The following PCDHGA4 variants were observed in gnomAD, a reference collection of about 807,000 sequenced individuals.
PCDHGA4 encodes protocadherin gamma subfamily A, 4.
Under a neutral mutation model 54.6 loss-of-function variants are expected in PCDHGA4, and 38 were observed. The observed-to-expected ratio is 0.70, with a 90% CI of 0.54 to 0.91. PCDHGA4 has a LOEUF of 0.91. Among genes scored for constraint, PCDHGA4 ranks in the 40% least tolerant of loss-of-function variants. The pLI is 0.00. For missense variants in PCDHGA4, 1,298 were observed against 1,220.9 expected (o/e 1.06, Z -0.94); for synonymous variants, 511 against 512.9 (o/e 1.00, Z 0.05).
At chr5:141,413,931 A>T (rs776911095) in intron 1 of PCDHGA4, 1 of 1,613,254 alleles carries the variant, frequency 6.2e-7, no homozygotes, top group Non-Finnish European at 8.5e-7. Flanking sequence ...CAGAATACCG[A>T]GTGAGTGTTC....
chr5:141,398,329 G>A, intron 1 of PCDHGA4: 2 of 1,358,092 alleles, frequency 1.5e-6, no homozygotes, highest in African/African-American at 1.5e-5. Flanking sequence ...AAAACTGCGC[G>A]TCAGTTCGGA....
chr5:141,500,571 C>T (rs1171231755), intron 2 of PCDHGA4, among the ~76,000 whole-genome samples: 1 of 152,196 alleles, frequency 6.6e-6, no homozygotes, highest in African/African-American at 2.4e-5. Context: ...GTCACACTTT[C>T]ATGTGACACT....
intron 1 of PCDHGA4, chr5:141,393,919 T>C: frequency 6.2e-7 from 1 of 1,613,992 alleles, no homozygotes; most frequent in Non-Finnish European, 8.5e-7. Flanking sequence ...ATTGCCTTCT[T>C]GAGTGTGCAT....
intron 1 of PCDHGA4, among the ~76,000 whole-genome samples, chr5:141,474,312 T>G (rs1358237994): frequency 6.6e-6 from 1 of 152,228 alleles, no homozygotes; most frequent in African/African-American, 2.4e-5. Flanking sequence ...AACTTTAATG[T>G]GTTTTCAAAT....
chr5:141,465,019 G>T (rs533151051), intron 1 of PCDHGA4, among the ~76,000 whole-genome samples: 1 of 151,978 alleles, frequency 6.6e-6, no homozygotes, highest in Non-Finnish European at 1.5e-5. Context: ...TAAGATTACA[G>T]CCATGAACCA....
Position 141,361,197 on chromosome 5 carries a change from T to C in PCDHGA4, c.2514+3576T>C, listed in dbSNP as rs750965424. 2.5e-6 allele frequency: 4 copies of C among 1,613,872 alleles called. No individual in the cohort carries two copies. In the Admixed American group the frequency reaches 6.7e-5, roughly 27 times the overall value. Reference sequence around the variant, plus strand: ...AAGTTATTGTGACTTCAGTATCTACTCCCCTACCGGAGGATTCGCCACCAG... The same window carrying C: ...AAGTTATTGTGACTTCAGTATCTACCCCCCTACCGGAGGATTCGCCACCAG... On this transcript the variant is annotated intron_variant, in intron 1 of 3. Transcript: ENST00000571252.
chr5:141,410,349 G>A, intron 1 of PCDHGA4: 1 of 1,613,994 alleles, frequency 6.2e-7, no homozygotes, highest in Non-Finnish European at 8.5e-7. Flanking sequence ...TTGCGCCTGC[G>A]ACGCTCTCTC....
rs199625514 is a variant in PCDHGA4 at position 141,485,144 on chromosome 5, G to C, written c.2515-9663G>C. The C allele has an allele frequency of 6.4e-7, 1 of 1,564,190 alleles. No homozygotes were observed. Among genetic ancestry groups the C allele is most frequent in the African/African-American group, 1.4e-5 (1 of 74,034 alleles). ...CGGGTCGGCTTCATCCGCGTCTCAG[G>C]AGCAAGTAGAGAATTAGCGGGCGGC... On this transcript the variant is annotated intron_variant, in intron 1 of 3. Coordinates refer to ENST00000571252, the MANE Select transcript of PCDHGA4 (RefSeq NM_018917.4). The surrounding 1 kb of genome is among the most constrained non-coding windows in gnomAD (Gnocchi z 5.7).
In PCDHGA4 at chr5:141,355,253, T is replaced by C; in HGVS notation, c.146T>C (p.Leu49Pro). The C allele has an allele frequency of 6.2e-7, 1 of 1,613,402 alleles. No individual in the cohort carries two copies. Among genetic ancestry groups the C allele is most frequent in the Non-Finnish European group, 8.5e-7 (1 of 1,179,850 alleles). The change falls in exon 1 of 4, where the codon CTT becomes CCT. Residue 49 changes from leucine (L) to proline (P), a missense_variant. Transcript: ENST00000571252. ...CACACCCGGCTGCTCCAGATCTGCCTTCTCCTGGGGGTTCTGGTGGAAATC... is the reference window on the plus strand; with the variant it reads ...CACACCCGGCTGCTCCAGATCTGCCCTCTCCTGGGGGTTCTGGTGGAAATC... Reference protein sequence around the residue: ...PDHTRLLQICLLLGVLVEIRA... With the variant: ...PDHTRLLQICPLLGVLVEIRA...
chr5:141,472,878 C>G (rs774209715), intron 1 of PCDHGA4, among the ~76,000 whole-genome samples: 1 of 146,132 alleles, frequency 6.8e-6, no homozygotes, highest in East Asian at 2.1e-4. Context: ...CCCAGCTACT[C>G]GGGAGGCTGA....
At chr5:141,394,945 T>A in intron 1 of PCDHGA4, 1 of 1,613,892 alleles carries the variant, frequency 6.2e-7, no homozygotes, top group African/African-American at 1.3e-5. Context: ...GTCGCTGTGC[T>A]TCTGGGGCTC....
intron 1 of PCDHGA4, chr5:141,393,052 G>T (rs771952632): frequency 6.2e-7 from 1 of 1,613,614 alleles, no homozygotes; most frequent in Non-Finnish European, 8.5e-7. Context: ...CTGAACCCGC[G>T]CAGCGGCAGC....
At chr5:141,468,797 C>A (rs191599825) in intron 1 of PCDHGA4, among the ~76,000 whole-genome samples, 1 of 151,770 alleles carries the variant, frequency 6.6e-6, no homozygotes, top group East Asian at 1.9e-4. Context: ...ACCCGGGAGG[C>A]GGAACTTGCA....
chr5:141,469,677 T>C (rs1271778909), intron 1 of PCDHGA4, among the ~76,000 whole-genome samples: 1 of 152,246 alleles, frequency 6.6e-6, no homozygotes, highest in African/African-American at 2.4e-5. Context: ...TAAAACTACA[T>C]ATGCATTGGT....
intron 1 of PCDHGA4, chr5:141,417,532 TA>T (rs1457524771): frequency 6.7e-5 from 19 of 284,780 alleles, no homozygotes; most frequent in South Asian, 1.5e-4. Context: ...ACTCGTAGTT[TA>T]AAAAAAATTC....
chr5:141,490,419 G>C lies in PCDHGA4; in HGVS notation c.2515-4388G>C. The C allele has an allele frequency of 6.2e-7, 1 of 1,614,170 alleles. No homozygotes were observed. Among genetic ancestry groups the C allele is most frequent in the Non-Finnish European group, 8.5e-7 (1 of 1,180,020 alleles). ...TGAGCCTTGATATCTCTCCGGACCT[G>C]CCATTTCAGATTAAGCCTTCTGAGA... On this transcript the variant is annotated intron_variant, in intron 1 of 3. Transcript: ENST00000571252. The surrounding 1 kb of genome is among the most constrained non-coding windows in gnomAD (Gnocchi z 5.4).
chr5:141,389,767 G>C, intron 1 of PCDHGA4: 2 of 1,613,028 alleles, frequency 1.2e-6, no homozygotes, highest in Non-Finnish European at 8.5e-7. Context: ...CGCACAGCGC[G>C]TGCCTTAGGC....
intron 1 of PCDHGA4, chr5:141,371,085 A>T: frequency 6.2e-7 from 1 of 1,613,830 alleles, no homozygotes; most frequent in Non-Finnish European, 8.5e-7. Context: ...GATCAGGGTA[A>T]TTGTCGCAGA....
intron 1 of PCDHGA4, chr5:141,400,462 G>C: frequency 1.2e-6 from 2 of 1,614,062 alleles, no homozygotes; most frequent in Non-Finnish European, 1.7e-6. Flanking sequence ...ACTTTGTGGT[G>C]ATTCATCTGG....
Sources: allele counts gnomAD v4.1 joint callset (sites outside exome capture counted in the v4.1 genomes callset), GRCh38; gene constraint gnomAD v4.1.1; non-coding constraint Gnocchi (gnomAD v3.1); transcripts MANE v1.5; gene names NCBI Gene and HGNC (gene_info 2026-07-23, HGNC 2026-07-21).